The following POM121 variants were observed in gnomAD, a reference collection of about 807,000 sequenced individuals.
POM121 encodes the protein POM121 transmembrane nucleoporin.
In POM121, 32 loss-of-function variants were observed where a neutral mutation model predicts 81.3. That is an observed-to-expected ratio of 0.39 (90% CI 0.30 to 0.53). The LOEUF is 0.53. Ranked by LOEUF, POM121 falls within the 20% of genes least tolerant of loss-of-function variation. The pLI, the probability that POM121 is intolerant of heterozygous loss-of-function variation, is 0.66. For missense variants in POM121, 1,138 were observed against 1,614.6 expected, an observed-to-expected ratio of 0.70 and a Z score of 5.06; for synonymous variants, 514 against 694.2, an observed-to-expected ratio of 0.74 and a Z score of 4.08.
In POM121 at chr7:72,925,117, C is replaced by G. The variant is rs1403772212; in HGVS notation, c.-5C>G. 14 of 1,414,872 alleles carry G rather than the reference C, an allele frequency of 9.9e-6. No individual in the cohort carries two copies. In the Admixed American group the frequency reaches 3.5e-4, roughly 35 times the overall value. 87.6% of individuals were successfully genotyped at this position (1,414,872 alleles called of 1,614,324 possible). ...TTTAAGTCTCCTCCGCGGCGCGGAG[C>G]CGCGATGTCTCCGGCGGCTGCGGCG... On this transcript the variant is annotated 5_prime_UTR_variant, in exon 1 of 13. Coordinates refer to ENST00000434423, the MANE Select transcript of POM121 (RefSeq NM_001387691.1).
At chr7:72,937,939 A>G (rs543494568) in intron 5 of POM121, among the ~76,000 whole-genome samples, 64 of 152,336 alleles carry the variant, frequency 4.2e-4, no homozygotes, top group African/African-American at 1.4e-3. Context: ...TAGTAAATTA[A>G]AATAGAAAAT....
chr7:72,935,549 C>T (rs1289513891), intron 5 of POM121, among the ~76,000 whole-genome samples: 4 of 152,076 alleles, frequency 2.6e-5, no homozygotes, highest in Non-Finnish European at 4.4e-5. Context: ...TTTACAATCT[C>T]GGCTCACTGC....
At chr7:72,882,086 T>C (rs1363978295) in intron 1 of POM121, among the ~76,000 whole-genome samples, 9 of 152,356 alleles carry the variant, frequency 5.9e-5, no homozygotes, top group Middle Eastern at 6.8e-3. Flanking sequence ...AGGACTGATA[T>C]TCTTGGCAGT....
chr7:72,885,416 GC>G (rs1378936740), intron 1 of POM121, among the ~76,000 whole-genome samples: 2 of 152,002 alleles, frequency 1.3e-5, no homozygotes, highest in African/African-American at 4.8e-5. Flanking sequence ...GAAATCTGCT[GC>G]AGTTGTGGTT....
intron 1 of POM121, 137 bp downstream of exon 1, chr7:72,925,902 G>A (rs117469452): frequency 8.9e-7 from 1 of 1,122,188 alleles, no homozygotes; most frequent in Admixed American, 3.5e-5. Flanking sequence ...TAACACCTTG[G>A]TGTGTGCCAG....
intron 3 of POM121, among the ~76,000 whole-genome samples, chr7:72,900,813 A>G (rs1358373882): frequency 6.6e-6 from 1 of 151,520 alleles, no homozygotes; most frequent in African/African-American, 2.4e-5. Flanking sequence ...CTGCTCTTAT[A>G]TTAATTCTAT....
At chr7:72,898,939 G>T (rs1792260495) in intron 3 of POM121, among the ~76,000 whole-genome samples, 1 of 139,756 alleles carries the variant, frequency 7.2e-6, no homozygotes, top group South Asian at 2.3e-4. Flanking sequence ...GAGAGGCTCT[G>T]TTTTATTTTG....
In POM121 at chr7:72,938,644, C is replaced by T. The variant is rs375481294; in HGVS notation, c.1330C>T (p.Arg444Cys). ...ACCCTTCTCTAGCCCAGCCTCCTCC[C>T]GCTCCCAGACACCGGAGAGGCCAGC... ...SSPFSSPASS[R>C]SQTPERPAKK... Residue 444 changes from arginine to cysteine, a missense_variant, in exon 6 of 13, where the codon CGC (arginine) becomes TGC (cysteine). Transcript: ENST00000434423. 78 of 1,613,742 alleles carry T rather than the reference C, an allele frequency of 4.8e-5. No individual in the cohort carries two copies. Among genetic ancestry groups the T allele is most frequent in the Admixed American group, 8.3e-5 (5 of 59,990 alleles).
At chr7:72,896,007 C>T (rs1391588009) in intron 3 of POM121, among the ~76,000 whole-genome samples, 3 of 151,872 alleles carry the variant, frequency 2.0e-5, no homozygotes. Flanking sequence ...AGAATGCCAT[C>T]CAAGCTCTAG....
At chr7:72,929,797 G>A in intron 4 of POM121, 143 bp from the exon 5 acceptor site, 1 of 1,301,228 alleles carries the variant, frequency 7.7e-7, no homozygotes, top group Non-Finnish European at 1.0e-6. Context: ...TTGTCAGATA[G>A]ATTTGGCCAG....
chr7:72,885,205 AC>A (rs1317801807), intron 1 of POM121, among the ~76,000 whole-genome samples: 1 of 151,986 alleles, frequency 6.6e-6, no homozygotes, highest in Non-Finnish European at 1.5e-5. Context: ...GCTACATGGA[AC>A]CTCTTAAATT....
intron 3 of POM121, among the ~76,000 whole-genome samples, chr7:72,901,218 CTTTTTTTT>C (rs781884870): frequency 7.2e-6 from 1 of 139,198 alleles, no homozygotes; most frequent in Non-Finnish European, 1.6e-5. Context: ...TTCTTTTTTT[CTTTTTTTT>C]TTTTTTGAGA....
At chr7:72,887,527 G>A (rs2867762) in intron 1 of POM121, among the ~76,000 whole-genome samples, 12,346 of 152,056 alleles carry the variant, frequency 0.081, 1,629 homozygotes, top group African/African-American at 0.28. Flanking sequence ...CAGTGCCTTG[G>A]AAACCACTGC....
chr7:72,908,772 A>C (rs1345627087), intron 3 of POM121, among the ~76,000 whole-genome samples: 1 of 152,210 alleles, frequency 6.6e-6, no homozygotes, highest in Non-Finnish European at 1.5e-5. Context: ...TTGAAAGAAG[A>C]GAAATATGGC....
intron 12 of POM121, among the ~76,000 whole-genome samples, 179 bp downstream of exon 12, chr7:72,945,887 G>T (rs1436579460): frequency 6.6e-6 from 1 of 152,118 alleles, no homozygotes; most frequent in African/African-American, 2.4e-5. Context: ...TCAGAGAGGA[G>T]CTGTCCGGGG....
chr7:72,924,931 G>T (rs1795199092), upstream of POM121: 11 of 1,051,928 alleles, frequency 1.0e-5, no homozygotes, highest in Non-Finnish European at 1.4e-5. Context: ...GGAGCCACGC[G>T]GAAAACCTCA....
intron 3 of POM121, among the ~76,000 whole-genome samples, chr7:72,902,622 A>C (rs1792806989): frequency 6.6e-6 from 1 of 151,724 alleles, no homozygotes; most frequent in Non-Finnish European, 1.5e-5. Flanking sequence ...TTGACTTCTC[A>C]CACTCAGGCA....
downstream of POM121, chr7:72,950,435 A>C (rs1409842914): frequency 1.8e-6 from 1 of 544,370 alleles, no homozygotes; most frequent in Non-Finnish European, 3.3e-6. Flanking sequence ...CTCAAGCCCC[A>C]CTGGCATCTC....
intron 1 of POM121, among the ~76,000 whole-genome samples, chr7:72,883,643 T>A (rs1790387275): frequency 6.6e-6 from 1 of 151,920 alleles, no homozygotes; most frequent in African/African-American, 2.4e-5. Context: ...TAGCACATTT[T>A]TTAAAAATAT....
Sources: allele counts gnomAD v4.1 joint callset (sites outside exome capture counted in the v4.1 genomes callset), GRCh38; gene constraint gnomAD v4.1.1; transcripts MANE v1.5; gene names NCBI Gene and HGNC (gene_info 2026-07-23, HGNC 2026-07-21).